Variants in MAEL observed in about 807,000 individuals in gnomAD.
The protein encoded by MAEL is maelstrom spermatogenic transposon silencer.
MAEL carries 46 observed loss-of-function variants against 62.0 expected under a neutral mutation model. The ratio of observed to expected loss-of-function variants is 0.74; its 90% confidence interval spans 0.59 to 0.95. The LOEUF is 0.95. Among genes scored for constraint, MAEL ranks in the 40% least tolerant of loss-of-function variants. The pLI, the probability that MAEL is intolerant of heterozygous loss-of-function variation, is 0.00. For synonymous variants in MAEL, 172 were observed against 175.5 expected, an observed-to-expected ratio of 0.98 and a Z score of 0.16; for missense variants, 497 against 526.8, an observed-to-expected ratio of 0.94 and a Z score of 0.55.
intron 8 of MAEL, among the ~76,000 whole-genome samples, chr1:167,008,308 T>C (rs574340974): frequency 1.3e-5 from 2 of 152,230 alleles, no homozygotes; most frequent in Admixed American, 6.5e-5. Flanking sequence ...CTATGGAAAT[T>C]GGTTTTATTA....
chr1:166,996,455 T>A (rs1464821574), intron 5 of MAEL, among the ~76,000 whole-genome samples: 1 of 152,184 alleles, frequency 6.6e-6, no homozygotes, highest in Non-Finnish European at 1.5e-5. Context: ...ATTTTGAAAA[T>A]TGCTTTCAGC....
At chr1:167,009,541 A>T (rs942025211) in intron 8 of MAEL, among the ~76,000 whole-genome samples, 4 of 150,340 alleles carry the variant, frequency 2.7e-5, no homozygotes, top group South Asian at 2.1e-4. Context: ...ATTTTCTAAG[A>T]CATTTGGTGA....
At position 166,989,421 on chromosome 1, in the gene MAEL, G is replaced by C; in HGVS notation, c.69G>C (p.Arg23=). ...TGCAGGAGAAGATCCCCGAACTACG[G>C]CGACGAGGCCTGCCTGTGGCTCGCG... ...FFVQEKIPEL[R]RRGLPVARVA... Residue 23 remains arginine, a synonymous_variant, in exon 1 of 12, where the codon CGG becomes CGC. Transcript: ENST00000367872. 6.2e-7 allele frequency: 1 copy of C among 1,602,908 alleles called. No homozygotes were observed. The highest frequency in any genetic ancestry group is 1.3e-5 in the African/African-American group (1 of 74,930).
At chr1:167,006,575 T>C (rs1161740220) in intron 8 of MAEL, among the ~76,000 whole-genome samples, 1 of 144,500 alleles carries the variant, frequency 6.9e-6, no homozygotes, top group African/African-American at 2.6e-5. Flanking sequence ...TCAATATTTC[T>C]CTATTGGAAA....
At chr1:167,016,822 C>T (rs1665412340) in intron 9 of MAEL, among the ~76,000 whole-genome samples, 1 of 152,082 alleles carries the variant, frequency 6.6e-6, no homozygotes, top group African/African-American at 2.4e-5. Context: ...GAGATTCAGT[C>T]ATTTGCAACA....
At chr1:167,011,383 T>C (rs1343124143) in intron 8 of MAEL, among the ~76,000 whole-genome samples, 1 of 152,204 alleles carries the variant, frequency 6.6e-6, no homozygotes, top group Non-Finnish European at 1.5e-5. Context: ...GTAAAGCTTA[T>C]GGATGATGTG....
chr1:166,993,337 C>T (rs1379786381), intron 4 of MAEL, among the ~76,000 whole-genome samples: 1 of 151,814 alleles, frequency 6.6e-6, no homozygotes, highest in Non-Finnish European at 1.5e-5. Flanking sequence ...TAGCCTAATA[C>T]TTAATCAGCT....
intron 8 of MAEL, among the ~76,000 whole-genome samples, chr1:167,007,061 A>G (rs1489969188): frequency 6.6e-6 from 1 of 151,984 alleles, no homozygotes; most frequent in African/African-American, 2.4e-5. Context: ...GTCAATTATT[A>G]CTATCATTGT....
rs768540625 is a variant in MAEL at position 166,994,019 on chromosome 1, G to A, written c.482-9G>A. 4.3e-6 allele frequency: 7 copies of A among 1,611,590 alleles called. No homozygotes were observed. The highest frequency in any genetic ancestry group is 3.3e-5 in the Admixed American group (2 of 59,804). ...TTTTTGCTTCTCAACAAGATATTTT[G>A]TATTATAGGTGAAATTCCACGAGGA... is the stretch of plus-strand genomic sequence containing the variant. On this transcript the variant is annotated splice_polypyrimidine_tract_variant and intron_variant, in intron 4 of 11. Transcript: ENST00000367872.
intron 2 of MAEL, 85 bp downstream of exon 2, chr1:166,989,914 A>G: frequency 9.4e-7 from 1 of 1,068,148 alleles, no homozygotes; most frequent in East Asian, 2.5e-5. Context: ...AGTGAATGTC[A>G]AGGGTGGACT....
intron 8 of MAEL, among the ~76,000 whole-genome samples, chr1:167,014,441 A>T (rs1665295392): frequency 6.6e-6 from 1 of 152,188 alleles, no homozygotes; most frequent in African/African-American, 2.4e-5. Flanking sequence ...TATGGGAGTG[A>T]CACGATCATC....
chr1:166,985,411 A>G (rs1663883022), upstream of MAEL, among the ~76,000 whole-genome samples: 1 of 152,172 alleles, frequency 6.6e-6, no homozygotes, highest in Non-Finnish European at 1.5e-5. Context: ...AAAAAACTAC[A>G]CAGAGCCAAA....
chr1:166,998,854 A>G (rs1335457511), intron 5 of MAEL, among the ~76,000 whole-genome samples: 1 of 152,164 alleles, frequency 6.6e-6, no homozygotes, highest in Non-Finnish European at 1.5e-5. Context: ...AATTCTCGCA[A>G]TATTTCAAAC....
In MAEL at chr1:167,005,260, C is replaced by G; in HGVS notation, c.708C>G (p.Ile236Met). ...TTTTCCATTTACTAATGGAAGAAAT[C>G]AGGCAAGATCTACAACTTCTCACTG... is the stretch of plus-strand genomic sequence containing the variant. ...CLKHMAKASE[I>M]RQDLQLLTVE... The change falls in exon 8 of 12, where the codon ATC (isoleucine) becomes ATG (methionine). Residue 236 changes from isoleucine to methionine, a missense_variant. Coordinates refer to ENST00000367872, the MANE Select transcript of MAEL (RefSeq NM_032858.3). The G allele has an allele frequency of 6.2e-7, 1 of 1,612,012 alleles. No individual in the cohort carries two copies. The highest frequency in any genetic ancestry group is 2.2e-5 in the East Asian group (1 of 44,852).
chr1:167,021,771 C>A lies in MAEL; in HGVS notation c.1221C>A (p.Ile407=). ...LESISNSSSN[I]HKFSNCDTSL... ...GCATTTCCAATTCTTCCAGCAATAT[C>A]CACAAATTCTCCAACTGTGACACTT... Residue 407 remains isoleucine, a synonymous_variant, in exon 12 of 12, where the codon ATC becomes ATA. Coordinates refer to ENST00000367872, the MANE Select transcript of MAEL (RefSeq NM_032858.3). 1 of 1,613,078 alleles carries A rather than the reference C, an allele frequency of 6.2e-7. No homozygotes were observed. The highest frequency in any genetic ancestry group is 1.3e-5 in the African/African-American group (1 of 74,974).
intron 5 of MAEL, among the ~76,000 whole-genome samples, chr1:166,994,462 A>G (rs761330262): frequency 6.6e-6 from 1 of 152,142 alleles, no homozygotes. Context: ...TTTTTTAGAT[A>G]AGGAAAACAG....
At chr1:166,999,162 CA>C (rs1198962114) in intron 5 of MAEL, among the ~76,000 whole-genome samples, 1 of 152,144 alleles carries the variant, frequency 6.6e-6, no homozygotes, top group Non-Finnish European at 1.5e-5. Flanking sequence ...CACTTTAAAT[CA>C]AAAGCTAGAA....
rs1456751572 is a variant in MAEL at position 167,022,131 on chromosome 1, T to C, written c.*276T>C. Reference sequence around the variant, plus strand: ...ATGAACAAAACTGACATTTTTAGAGTTGTACTTTTGGGAATGTTATAGATT... The same window carrying C: ...ATGAACAAAACTGACATTTTTAGAGCTGTACTTTTGGGAATGTTATAGATT... On this transcript the variant is annotated 3_prime_UTR_variant, in exon 12 of 12. Transcript: ENST00000367872. 3.3e-6 allele frequency: 1 copy of C among 300,602 alleles called. No individual in the cohort carries two copies. Among genetic ancestry groups the C allele is most frequent in the Non-Finnish European group, 6.1e-6 (1 of 163,054 alleles). 18.6% of individuals were successfully genotyped at this position (300,602 alleles called of 1,614,324 possible).
upstream of MAEL, among the ~76,000 whole-genome samples, chr1:166,987,904 C>T (rs138779981): frequency 6.6e-6 from 1 of 152,144 alleles, no homozygotes; most frequent in African/African-American, 2.4e-5. Context: ...AAAGAAAATA[C>T]CACAAAATCT....
Sources: gnomAD v4.1 joint callset for allele counts (sites outside exome capture counted in the v4.1 genomes callset) on GRCh38, gnomAD v4.1.1 for gene constraint, MANE v1.5 for transcripts, NCBI Gene and HGNC (gene_info 2026-07-23, HGNC 2026-07-21) for gene names.